Variants in ADK observed in about 807,000 individuals in gnomAD.
ADK encodes adenosine kinase.
A neutral mutation model predicts 44.7 loss-of-function variants in ADK; 24 were observed. The observed-to-expected ratio is 0.54, with a 90% confidence interval of 0.39 to 0.76. The LOEUF (loss-of-function observed/expected upper bound fraction) is 0.76, where lower values mean the gene tolerates loss of function less well. Among genes scored for constraint, ADK ranks in the 30% least tolerant of loss-of-function variants. ADK has a pLI of 0.00. For missense variants in ADK, 321 were observed against 425.1 expected (o/e 0.76, Z 2.15); for synonymous variants, 128 against 142.6 (o/e 0.90, Z 0.73).
chr10:74,279,578 C>CA (rs1259181483), intron 3 of ADK, among the ~76,000 whole-genome samples: 1,111 of 100,446 alleles, frequency 0.011, 9 homozygotes, highest in African/African-American at 0.025. Context: ...GACTTCATCT[C>CA]AAAAAAAAAA....
chr10:74,642,405 A>C (rs1225301399), intron 9 of ADK, among the ~76,000 whole-genome samples: 3 of 138,912 alleles, frequency 2.2e-5, no homozygotes, highest in Admixed American at 1.5e-4. Context: ...GGGTCTCACT[A>C]TGTTGCCCAG....
intron 6 of ADK, among the ~76,000 whole-genome samples, chr10:74,448,046 G>A (rs371748192): frequency 3.5e-4 from 54 of 152,230 alleles, no homozygotes; most frequent in African/African-American, 1.2e-3. Flanking sequence ...GGTGATGCAT[G>A]CCTGTAATCT....
chr10:74,274,753 C>G (rs865889233), intron 3 of ADK, among the ~76,000 whole-genome samples: 1 of 49,992 alleles, frequency 2.0e-5, no homozygotes, highest in African/African-American at 6.5e-5. Context: ...TATATACACA[C>G]ACACATTATA....
At chr10:74,298,849 T>A (rs528097133) in intron 3 of ADK, among the ~76,000 whole-genome samples, 339 of 152,224 alleles carry the variant, frequency 2.2e-3, no homozygotes, top group African/African-American at 7.7e-3. Context: ...GAGGCTGAGA[T>A]GGGAGGATCC....
intron 9 of ADK, chr10:74,655,212 G>A (rs1854435271): frequency 2.7e-6 from 1 of 372,742 alleles, no homozygotes; most frequent in Non-Finnish European, 5.3e-6. Context: ...AAGGGACAGA[G>A]ATGGACAGAG....
At chr10:74,357,279 T>C (rs1842176830) in intron 4 of ADK, among the ~76,000 whole-genome samples, 1 of 152,092 alleles carries the variant, frequency 6.6e-6, no homozygotes, top group Non-Finnish European at 1.5e-5. Context: ...TGAAGAGCAG[T>C]TGAATATCAG....
intron 6 of ADK, among the ~76,000 whole-genome samples, chr10:74,422,874 C>T (rs1844611137): frequency 6.6e-6 from 1 of 152,138 alleles, no homozygotes; most frequent in Non-Finnish European, 1.5e-5. Context: ...ATGGCTGTCA[C>T]AATAATGCTG....
At chr10:74,568,900 A>G (rs1215251253) in intron 7 of ADK, among the ~76,000 whole-genome samples, 1 of 151,460 alleles carries the variant, frequency 6.6e-6, no homozygotes, top group Non-Finnish European at 1.5e-5. Flanking sequence ...AACATTAGGT[A>G]TATCTCCAAA....
rs183928468 is a variant in ADK at position 74,398,932 on chromosome 10, A to G, written c.555+353A>G. On this transcript the variant is annotated intron_variant, in intron 6 of 10. Transcript: ENST00000539909. Reference sequence around the variant, plus strand: ...TAGGCAACTTGCATTGTGCAGAAAAATATTAGTAGTATAAATATTCACTGC... The same window carrying G: ...TAGGCAACTTGCATTGTGCAGAAAAGTATTAGTAGTATAAATATTCACTGC... Among the ~76,000 whole-genome samples, 14 of 152,184 alleles carry G rather than the reference A, an allele frequency of 9.2e-5. No individual in the cohort carries two copies. In the East Asian group the frequency reaches 1.9e-3, roughly 21 times the overall value.
intron 4 of ADK, among the ~76,000 whole-genome samples, chr10:74,329,648 G>T (rs2131843892): frequency 6.6e-6 from 1 of 152,304 alleles, no homozygotes; most frequent in African/African-American, 2.4e-5. Context: ...TTTAGAACGA[G>T]TAGCTGGTAG....
intron 1 of ADK, among the ~76,000 whole-genome samples, chr10:74,164,087 G>A (rs987051480): frequency 1.3e-5 from 2 of 152,162 alleles, no homozygotes; most frequent in Admixed American, 6.6e-5. Context: ...GCATGTTGAT[G>A]CATATAAAAC....
Position 74,406,289 on chromosome 10 carries a change from T to TA in ADK, c.555+7710_555+7711insA, listed in dbSNP as rs1160085823. On this transcript the variant is annotated intron_variant, in intron 6 of 10. Coordinates refer to ENST00000539909, the MANE Select transcript of ADK (RefSeq NM_006721.4). The stretch of plus-strand genomic sequence containing the variant: ...TTTTTGAAAGGAAGCCTGCTGCCAT[T>TA]CCTATCATTGTTCCCTCTTACCTAA... Among the ~76,000 whole-genome samples the TA allele has an allele frequency of 2.0e-5, 3 of 152,288 alleles. No homozygotes were observed. The East Asian group carries it at 5.8e-4, about 29-fold the overall frequency.
chr10:74,273,678 G>A (rs930143203), intron 3 of ADK, among the ~76,000 whole-genome samples: 3 of 151,940 alleles, frequency 2.0e-5, no homozygotes, highest in African/African-American at 4.8e-5. Flanking sequence ...GGCTGGTCTC[G>A]AACTCCTGAC....
At chr10:74,300,236 T>TC (rs1554840089) in intron 3 of ADK, among the ~76,000 whole-genome samples, 10 of 139,004 alleles carry the variant, frequency 7.2e-5, no homozygotes, top group East Asian at 2.1e-4. Flanking sequence ...GTTTCTTTCT[T>TC]TCTCTCTCTC....
At chr10:74,417,690 C>T (rs955103317) in intron 6 of ADK, among the ~76,000 whole-genome samples, 19 of 151,424 alleles carry the variant, frequency 1.3e-4, no homozygotes, top group African/African-American at 4.4e-4. Context: ...ATTTCCATAA[C>T]TATCATTTCT....
At chr10:74,235,249 G>A (rs1267481880) in intron 3 of ADK, among the ~76,000 whole-genome samples, 4 of 151,364 alleles carry the variant, frequency 2.6e-5, no homozygotes, top group Non-Finnish European at 5.9e-5. Context: ...GGTAGAAAGA[G>A]CAAAGAGAAA....
chr10:74,337,713 C>T (rs1386347730), intron 4 of ADK, among the ~76,000 whole-genome samples: 1 of 150,844 alleles, frequency 6.6e-6, no homozygotes. Context: ...GCTAGAAGAG[C>T]TTACTAACTG....
chr10:74,339,498 G>A (rs1238406285), intron 4 of ADK, among the ~76,000 whole-genome samples: 2 of 152,030 alleles, frequency 1.3e-5, no homozygotes, highest in African/African-American at 2.4e-5. Flanking sequence ...CCCATTTCAC[G>A]TATCTCAGCC....
chr10:74,316,239 C>CAA (rs1187138721), intron 4 of ADK, among the ~76,000 whole-genome samples: 8 of 131,754 alleles, frequency 6.1e-5, no homozygotes, highest in African/African-American at 1.1e-4. Context: ...GACTCCATCT[C>CAA]AAAAAAAAAA....
Sources: gnomAD v4.1 joint callset for allele counts (sites outside exome capture counted in the v4.1 genomes callset) on GRCh38, gnomAD v4.1.1 for gene constraint, MANE v1.5 for transcripts, NCBI Gene and HGNC (gene_info 2026-07-23, HGNC 2026-07-21) for gene names.